The following ANKRD6 variants were observed in gnomAD, a reference collection of about 807,000 sequenced individuals.
The protein encoded by ANKRD6 is ankyrin repeat domain-containing protein 6.
A neutral mutation model predicts 82.3 loss-of-function variants in ANKRD6; 56 were observed. The ratio of observed to expected loss-of-function variants is 0.68; its 90% CI spans 0.55 to 0.85. The LOEUF is 0.85. ANKRD6 is among the 40% of genes least tolerant of loss of function. The pLI, the probability that ANKRD6 is intolerant of heterozygous loss-of-function variation, is 0.00. For synonymous variants in ANKRD6, 347 were observed against 352.1 expected (o/e 0.99, Z 0.16); for missense variants, 852 against 907.6 (o/e 0.94, Z 0.79).
intron 13 of ANKRD6, among the ~76,000 whole-genome samples, chr6:89,626,408 C>T (rs1449726450): frequency 6.6e-6 from 1 of 152,076 alleles, no homozygotes; most frequent in African/African-American, 2.4e-5. Context: ...GTTAGTGTGA[C>T]CTGTGAACAA....
chr6:89,447,978 C>T (rs2127950334), intron 1 of ANKRD6, among the ~76,000 whole-genome samples: 1 of 152,158 alleles, frequency 6.6e-6, no homozygotes, highest in South Asian at 2.1e-4. Flanking sequence ...TGAGCCACTG[C>T]ACCCAGCTCC....
At chr6:89,494,289 ACT>A (rs1251440633) in intron 1 of ANKRD6, among the ~76,000 whole-genome samples, 1 of 152,192 alleles carries the variant, frequency 6.6e-6, no homozygotes. Flanking sequence ...AAGGCAGATA[ACT>A]CTTGATCAGA....
intron 1 of ANKRD6, among the ~76,000 whole-genome samples, chr6:89,454,941 A>C (rs139369823): frequency 1.1e-4 from 16 of 152,222 alleles, no homozygotes; most frequent in African/African-American, 3.9e-4. Flanking sequence ...CCTGGGTTCA[A>C]GCGATTCTCT....
At chr6:89,493,395 TCTCC>T (rs1310231524) in intron 1 of ANKRD6, among the ~76,000 whole-genome samples, 1 of 151,976 alleles carries the variant, frequency 6.6e-6, no homozygotes, top group Non-Finnish European at 1.5e-5. Flanking sequence ...TCACTCTCTC[TCTCC>T]CTCTCCTTTT....
At chr6:89,566,556 A>G (rs977767959) in intron 1 of ANKRD6, among the ~76,000 whole-genome samples, 1 of 152,216 alleles carries the variant, frequency 6.6e-6, no homozygotes, top group Non-Finnish European at 1.5e-5. Flanking sequence ...TCCCTGGGAG[A>G]AAAACAGAGC....
Position 89,633,729 on chromosome 6 carries a change from ATG to A in ANKRD6, c.*2729_*2730del, listed in dbSNP as rs1447745412. On this transcript the variant is annotated 3_prime_UTR_variant, in exon 16 of 16. Transcript: ENST00000339746. ...AGTGTTGATATACTTGAGGCATGTT[ATG>A]TGTCTTCTAATTAATATTTTTATCA... 1 of 152,204 alleles carries A rather than the reference ATG, an allele frequency of 6.6e-6. No individual in the cohort carries two copies. The highest frequency in any genetic ancestry group is 2.4e-5 in the African/African-American group (1 of 41,446). The allele number at this position is 152,204 out of a possible 1,614,324, so 9.4% of individuals were successfully genotyped here.
intron 1 of ANKRD6, among the ~76,000 whole-genome samples, chr6:89,539,224 T>C (rs1264221401): frequency 2.6e-5 from 4 of 152,146 alleles, no homozygotes. Flanking sequence ...AAAGTAAATA[T>C]CTTGGAATTA....
chr6:89,613,711 T>A, intron 6 of ANKRD6, 81 bp from the exon 7 acceptor site: 5 of 1,308,310 alleles, frequency 3.8e-6, no homozygotes, highest in Non-Finnish European at 5.4e-6. Context: ...TGCTAGCTTT[T>A]AAATAACATT....
intron 1 of ANKRD6, among the ~76,000 whole-genome samples, chr6:89,471,354 A>T (rs1322849652): frequency 1.3e-5 from 2 of 148,418 alleles, no homozygotes; most frequent in East Asian, 3.9e-4. Flanking sequence ...CAAAAACAAC[A>T]ACAACAAAAA....
At chr6:89,543,611 G>T (rs1211976262) in intron 1 of ANKRD6, among the ~76,000 whole-genome samples, 2 of 152,198 alleles carry the variant, frequency 1.3e-5, no homozygotes, top group Non-Finnish European at 2.9e-5. Context: ...AGGTTCTTTT[G>T]TAGAGGGATC....
intron 1 of ANKRD6, among the ~76,000 whole-genome samples, chr6:89,497,254 A>G (rs1778736006): frequency 6.6e-6 from 1 of 152,224 alleles, no homozygotes; most frequent in Admixed American, 6.5e-5. Context: ...ATCATTTAGG[A>G]TATTTAAAAT....
At chr6:89,579,612 T>C (rs1251436354) in intron 2 of ANKRD6, among the ~76,000 whole-genome samples, 2 of 151,536 alleles carry the variant, frequency 1.3e-5, no homozygotes, top group Admixed American at 1.3e-4. Context: ...CAAAAATTAG[T>C]CGGGTGTGGT....
chr6:89,545,227 A>AG (rs1431306358), intron 1 of ANKRD6, among the ~76,000 whole-genome samples: 4 of 103,510 alleles, frequency 3.9e-5, no homozygotes, highest in East Asian at 3.2e-4. Context: ...AAAAAAAAAA[A>AG]AAAGAAAAGA....
intron 9 of ANKRD6, among the ~76,000 whole-genome samples, chr6:89,618,802 A>G (rs1488141850): frequency 1.3e-5 from 2 of 152,238 alleles, no homozygotes; most frequent in African/African-American, 4.8e-5. Flanking sequence ...TATTCATTAT[A>G]ATGGAGGCAT....
chr6:89,516,820 A>G (rs1010497292), intron 1 of ANKRD6, among the ~76,000 whole-genome samples: 3 of 151,918 alleles, frequency 2.0e-5, no homozygotes, highest in East Asian at 3.9e-4. Context: ...TATATCTCCT[A>G]TTTGTTCTGT....
intron 1 of ANKRD6, among the ~76,000 whole-genome samples, chr6:89,504,438 C>T (rs532967017): frequency 6.6e-6 from 1 of 152,144 alleles, no homozygotes; most frequent in African/African-American, 2.4e-5. Context: ...GGGTCTCGCT[C>T]GGTTGCCCAG....
Position 89,630,532 on chromosome 6 carries a change from C to T in ANKRD6, c.1712C>T (p.Thr571Ile). The stretch of plus-strand genomic sequence containing the variant: ...GAGAAGGCCCTCAACTCCACTGCTA[C>T]CCAGAGACTCCAGCAGGAGCTGTCG... ...PKEKALNSTA[T>I]QRLQQELSSS... Residue 571 changes from threonine to isoleucine, a missense_variant, in exon 16 of 16, where the codon ACC (threonine) becomes ATC (isoleucine). By Grantham distance (89) the Thr-to-Ile change is moderately conservative. Transcript: ENST00000339746. 1 of 1,614,020 alleles carries T rather than the reference C, an allele frequency of 6.2e-7. No homozygotes were observed. The highest frequency in any genetic ancestry group is 8.5e-7 in the Non-Finnish European group (1 of 1,179,868).
intron 2 of ANKRD6, among the ~76,000 whole-genome samples, chr6:89,593,307 A>C (rs1457550842): frequency 6.6e-6 from 1 of 152,252 alleles, no homozygotes; most frequent in Admixed American, 6.5e-5. Flanking sequence ...AGTCCTTGAC[A>C]AGGATATGTG....
intron 2 of ANKRD6, among the ~76,000 whole-genome samples, chr6:89,589,794 C>A (rs1364728905): frequency 3.3e-5 from 5 of 152,172 alleles, no homozygotes; most frequent in African/African-American, 9.6e-5. Context: ...AGTGGGGACA[C>A]ATTTTTGTGG....
Sources: allele counts gnomAD v4.1 joint callset (sites outside exome capture counted in the v4.1 genomes callset), GRCh38; gene constraint gnomAD v4.1.1; transcripts MANE v1.5; gene names NCBI Gene and HGNC (gene_info 2026-07-23, HGNC 2026-07-21).